Variants in GAB1 observed in about 807,000 individuals in gnomAD.
GAB1 encodes GRB2 associated binding protein 1.
In GAB1, 19 loss-of-function variants were observed where a neutral mutation model predicts 66.5. The observed-to-expected ratio is 0.29, with a 90% confidence interval of 0.20 to 0.42. The LOEUF (loss-of-function observed/expected upper bound fraction) is 0.42, where lower values mean the gene tolerates loss of function less well. GAB1 is among the 10% of genes least tolerant of loss of function. GAB1 has a pLI of 1.00. For missense variants in GAB1, 732 were observed against 858.5 expected (o/e 0.85, Z 1.84); for synonymous variants, 294 against 301.4 (o/e 0.98, Z 0.25).
intron 1 of GAB1, among the ~76,000 whole-genome samples, chr4:143,381,496 T>C (rs141528674): frequency 3.0e-4 from 46 of 152,290 alleles, no homozygotes; most frequent in Admixed American, 2.7e-3. Flanking sequence ...TCGGGTCTAC[T>C]AACTCTGTGC....
chr4:143,342,182 C>G (rs972266626), intron 1 of GAB1, among the ~76,000 whole-genome samples: 13 of 152,278 alleles, frequency 8.5e-5, no homozygotes, highest in Non-Finnish European at 1.9e-4. Flanking sequence ...GTGTAGAACT[C>G]TCCACGTGCA....
intron 1 of GAB1, among the ~76,000 whole-genome samples, chr4:143,385,423 C>T (rs1730853632): frequency 6.6e-6 from 1 of 152,126 alleles, no homozygotes; most frequent in South Asian, 2.1e-4. Context: ...TGAAAAGATG[C>T]CCAAAATACA....
rs866908328 is a variant in GAB1 at position 143,472,085 on chromosome 4, T to G, written c.*2896T>G. The G allele has an allele frequency of 6.6e-6, 1 of 152,186 alleles. No individual in the cohort carries two copies. The highest frequency in any genetic ancestry group is 2.4e-5 in the African/African-American group (1 of 41,454). 9.4% of individuals were successfully genotyped at this position (152,186 alleles called of 1,614,324 possible). On this transcript the variant is annotated 3_prime_UTR_variant, in exon 10 of 10. Coordinates refer to ENST00000262994, the MANE Select transcript of GAB1 (RefSeq NM_002039.4). ...TGAAGGTTTGAATACTGAAGCACAG[T>G]TCTGCTTTCAAAAATTAAAATTCAA...
chr4:143,442,266 G>T (rs569337206), intron 6 of GAB1, among the ~76,000 whole-genome samples: 3 of 151,974 alleles, frequency 2.0e-5, no homozygotes, highest in Non-Finnish European at 4.4e-5. Flanking sequence ...CATGTTAGTG[G>T]CAGATCTCTA....
intron 1 of GAB1, among the ~76,000 whole-genome samples, chr4:143,355,708 A>C (rs1288792097): frequency 2.6e-5 from 4 of 152,154 alleles, no homozygotes; most frequent in Non-Finnish European, 4.4e-5. Context: ...ACTGTAGTGC[A>C]CATTTGGAAA....
chr4:143,425,319 G>C, intron 2 of GAB1: 1 of 802,936 alleles, frequency 1.2e-6, no homozygotes, highest in South Asian at 1.3e-5. Context: ...GCTGAAGTTT[G>C]CTGCTGCCAC....
At chr4:143,373,822 CCTCTCTCTCTCTCTCT>C (rs3049718) in intron 1 of GAB1, among the ~76,000 whole-genome samples, 2 of 97,864 alleles carry the variant, frequency 2.0e-5, no homozygotes, top group Admixed American at 2.3e-4. Flanking sequence ...GGAGTGAAAC[CCTCTCTCTCTCTCTCT>C]CTCTCTCTCT....
chr4:143,437,866 A>T, intron 3 of GAB1, 133 bp from the exon 4 acceptor site: 1 of 883,872 alleles, frequency 1.1e-6, no homozygotes. Flanking sequence ...TTTGTGCTTT[A>T]AATCCTATGG....
At chr4:143,455,242 G>A (rs1212869968) in intron 6 of GAB1, among the ~76,000 whole-genome samples, 7 of 152,194 alleles carry the variant, frequency 4.6e-5, no homozygotes, top group Admixed American at 3.9e-4. Flanking sequence ...AGGATACGGT[G>A]TCATTACTAA....
chr4:143,364,933 A>G (rs1483157447), intron 1 of GAB1, among the ~76,000 whole-genome samples: 3 of 130,542 alleles, frequency 2.3e-5, no homozygotes, highest in Non-Finnish European at 3.1e-5. Context: ...GCTGGAGTGC[A>G]GTGGCGCTAT....
At chr4:143,439,257 A>T (rs1734098965) in intron 4 of GAB1, among the ~76,000 whole-genome samples, 1 of 152,210 alleles carries the variant, frequency 6.6e-6, no homozygotes, top group Non-Finnish European at 1.5e-5. Context: ...GAGATTCTCA[A>T]AGTCCTACAA....
chr4:143,366,310 C>T, intron 1 of GAB1, among the ~76,000 whole-genome samples: 1 of 152,120 alleles, frequency 6.6e-6, no homozygotes, highest in African/African-American at 2.4e-5. Flanking sequence ...GAGCAGTAAC[C>T]CCACCATTAT....
chr4:143,425,991 A>C (rs1733332596), intron 2 of GAB1: 6 of 662,448 alleles, frequency 9.1e-6, no homozygotes, highest in Non-Finnish European at 1.6e-5. Flanking sequence ...TAAATAAAAA[A>C]AATTTTAAAA....
At chr4:143,389,265 C>A (rs1731069233) in intron 1 of GAB1, among the ~76,000 whole-genome samples, 2 of 152,240 alleles carry the variant, frequency 1.3e-5, no homozygotes, top group Admixed American at 6.5e-5. Flanking sequence ...TGTATATAAT[C>A]AAATACTTGC....
At chr4:143,345,643 A>G (rs1297828643) in intron 1 of GAB1, among the ~76,000 whole-genome samples, 1 of 152,196 alleles carries the variant, frequency 6.6e-6, no homozygotes, top group East Asian at 1.9e-4. Context: ...TCCATTTTAC[A>G]TTTCAAGAGA....
At chr4:143,398,257 G>C (rs935054594) in intron 1 of GAB1, among the ~76,000 whole-genome samples, 2 of 152,010 alleles carry the variant, frequency 1.3e-5, no homozygotes, top group Admixed American at 1.3e-4. Context: ...TTCTATGAAG[G>C]GTGTTAAAAT....
At chr4:143,444,730 C>G (rs1181851387) in intron 6 of GAB1, among the ~76,000 whole-genome samples, 1 of 152,096 alleles carries the variant, frequency 6.6e-6, no homozygotes, top group Non-Finnish European at 1.5e-5. Flanking sequence ...CTGAACATAG[C>G]ACCCAATCGT....
At chr4:143,400,472 A>G (rs780659083) in intron 1 of GAB1, among the ~76,000 whole-genome samples, 1 of 152,222 alleles carries the variant, frequency 6.6e-6, no homozygotes, top group African/African-American at 2.4e-5. Context: ...TTAGAATGCC[A>G]TATGGAGCTG....
chr4:143,365,399 A>G (rs1275776176), intron 1 of GAB1, among the ~76,000 whole-genome samples: 1 of 152,174 alleles, frequency 6.6e-6, no homozygotes, highest in East Asian at 1.9e-4. Context: ...GATAAAAGCC[A>G]TGTCAATGTT....
Sources: gnomAD v4.1 joint callset for allele counts (sites outside exome capture counted in the v4.1 genomes callset) on GRCh38, gnomAD v4.1.1 for gene constraint, MANE v1.5 for transcripts, NCBI Gene and HGNC (gene_info 2026-07-23, HGNC 2026-07-21) for gene names.